The following TG variants were observed in gnomAD, a reference collection of about 807,000 sequenced individuals.
TG encodes the protein thyroid hormones.
In TG, 270 loss-of-function variants were observed where a neutral mutation model predicts 324.7. The observed-to-expected ratio is 0.83, with a 90% CI of 0.75 to 0.92. TG has a LOEUF of 0.92. Among genes scored for constraint, TG ranks in the 40% least tolerant of loss-of-function variants. The pLI is 0.00. For synonymous variants in TG, 1,401 were observed against 1,327.0 expected (o/e 1.06, Z -1.21); for missense variants, 3,591 against 3,456.4 (o/e 1.04, Z -0.98).
chr8:132,997,900 T>C (rs1228560238), intron 35 of TG, among the ~76,000 whole-genome samples: 1 of 152,136 alleles, frequency 6.6e-6, no homozygotes, highest in Non-Finnish European at 1.5e-5. Context: ...TTTAGGGAAA[T>C]GGGTCACCTG....
At position 132,886,497 on chromosome 8, in the gene TG, C is replaced by A. The variant is rs1475605709; in HGVS notation, c.1125C>A (p.Leu375=). The part of the protein sequence containing the change: ...ASERQQALSR[L]YFGTSGYFSQ... ...AAAGGCAGCAGGCCTTGTCCAGACT[C>A]TACTTTGGGACCTCAGGCTACTTCA... The change falls in exon 9 of 48, where the codon CTC becomes CTA. Residue 375 remains leucine (L), a synonymous_variant. Coordinates refer to ENST00000220616, the MANE Select transcript of TG (RefSeq NM_003235.5). 4 of 1,614,188 alleles carry A rather than the reference C, an allele frequency of 2.5e-6. No homozygotes were observed. The highest frequency in any genetic ancestry group is 3.4e-6 in the Non-Finnish European group (4 of 1,180,046).
At chr8:132,869,869 G>A in intron 3 of TG, 43 bp downstream of exon 3, 1 of 1,573,768 alleles carries the variant, frequency 6.4e-7, no homozygotes, top group Non-Finnish European at 8.7e-7. Context: ...ACCCTGCTAG[G>A]ACAACTCACT....
intron 41 of TG, among the ~76,000 whole-genome samples, chr8:133,052,366 G>A (rs1479560075): frequency 6.6e-6 from 1 of 152,206 alleles, no homozygotes; most frequent in African/African-American, 2.4e-5. Context: ...CCATGTAAAA[G>A]CAAGAGTTTC....
chr8:133,113,441 G>A lies in TG; in HGVS notation c.7592G>A (p.Gly2531Asp), dbSNP rs761057592. ...KAVKQFEESR[G>D]RTSSKTAFYQ... The stretch of plus-strand genomic sequence containing the variant: ...TTCTAGCAATTTGAGGAAAGTCGAG[G>A]CCGGACCAGTAGCAAAACAGCCTTT... Residue 2531 changes from glycine to aspartate, a missense_variant, in exon 44 of 48, where the codon GGC (glycine) becomes GAC (aspartate). Coordinates refer to ENST00000220616, the MANE Select transcript of TG (RefSeq NM_003235.5). 1.2e-6 allele frequency: 2 copies of A among 1,613,940 alleles called. No homozygotes were observed. The highest frequency in any genetic ancestry group is 3.3e-4 in the Middle Eastern group (2 of 6,062).
chr8:132,981,276 G>C (rs1184726145), intron 34 of TG, among the ~76,000 whole-genome samples: 3 of 152,226 alleles, frequency 2.0e-5, no homozygotes, highest in Non-Finnish European at 4.4e-5. Context: ...CATTCTCATA[G>C]TGTTCAGCAT....
chr8:133,028,152 TCTC>T (rs758700499), intron 40 of TG, among the ~76,000 whole-genome samples: 3 of 152,214 alleles, frequency 2.0e-5, no homozygotes, highest in Non-Finnish European at 4.4e-5. Context: ...GAACATTTCC[TCTC>T]CTCCTTGTCC....
At chr8:133,101,014 C>T (rs1014496141) in intron 43 of TG, among the ~76,000 whole-genome samples, 6 of 152,064 alleles carry the variant, frequency 3.9e-5, no homozygotes, top group African/African-American at 1.5e-4. Flanking sequence ...GTCTCTAGGT[C>T]AGCTAACTAG....
chr8:132,985,399 A>G (rs1916274), intron 35 of TG, among the ~76,000 whole-genome samples: 88,139 of 151,962 alleles, frequency 0.58, 26,837 homozygotes, highest in African/African-American at 0.73. Flanking sequence ...AGTTACCCAT[A>G]GAATCCCACT....
At chr8:132,975,144 A>G (rs1185118780) in intron 34 of TG, among the ~76,000 whole-genome samples, 3 of 152,202 alleles carry the variant, frequency 2.0e-5, no homozygotes, top group African/African-American at 7.2e-5. Context: ...TTGACCCCAA[A>G]GGAGACCCAG....
intron 8 of TG, 32 bp from the exon 9 acceptor site, chr8:132,886,416 C>G (rs777248154): frequency 1.2e-6 from 2 of 1,613,944 alleles, no homozygotes; most frequent in Non-Finnish European, 1.7e-6. Flanking sequence ...GACATTAAAA[C>G]CTTTTCTCCC....
intron 45 of TG, among the ~76,000 whole-genome samples, chr8:133,120,159 C>T (rs1035136085): frequency 6.6e-6 from 1 of 152,180 alleles, no homozygotes; most frequent in African/African-American, 2.4e-5. Flanking sequence ...TTCTGCCTTC[C>T]TCACATGTAA....
At chr8:132,963,850 G>C (rs576748132) in intron 29 of TG, among the ~76,000 whole-genome samples, 106 of 152,238 alleles carry the variant, frequency 7.0e-4, no homozygotes, top group African/African-American at 2.4e-3. Flanking sequence ...ATGCTACAGA[G>C]CAGATACTAG....
rs772388199 is a variant in TG at position 132,898,200 on chromosome 8, G to C, written c.3171G>C (p.Gly1057=). 7.4e-5 allele frequency: 118 copies of C among 1,605,322 alleles called. No individual in the cohort carries two copies. The highest frequency in any genetic ancestry group is 9.6e-5 in the Non-Finnish European group (113 of 1,176,218). The part of the protein sequence containing the change: ...GHCWCVDEKG[G]FIPGSLTARS... ...GCTGGTGTGTAGATGAGAAAGGAGGGTTCATCCCTGGCTCACTGACTGCCC... is the reference window on the plus strand; with the variant it reads ...GCTGGTGTGTAGATGAGAAAGGAGGCTTCATCCCTGGCTCACTGACTGCCC... Residue 1057 remains glycine, a synonymous_variant, in exon 13 of 48, where the codon GGG becomes GGC. Transcript: ENST00000220616.
At chr8:133,022,770 A>G (rs1231118432) in intron 40 of TG, among the ~76,000 whole-genome samples, 1 of 152,142 alleles carries the variant, frequency 6.6e-6, no homozygotes, top group East Asian at 1.9e-4. Flanking sequence ...CTTTTCCTCC[A>G]GCTACCACAT....
chr8:133,013,068 A>C (rs765048463), intron 36 of TG, among the ~76,000 whole-genome samples: 1 of 152,224 alleles, frequency 6.6e-6, no homozygotes, highest in Non-Finnish European at 1.5e-5. Context: ...CCTTAAGTGC[A>C]TGGGGAGCCA....
intron 40 of TG, 21 bp from the exon 41 acceptor site, chr8:133,029,800 A>T (rs1216456825): frequency 6.2e-7 from 1 of 1,613,976 alleles, no homozygotes; most frequent in East Asian, 2.2e-5. Flanking sequence ...AAAGGATAAA[A>T]GGCTTTCCTC....
At chr8:133,026,193 T>G (rs1401735298) in intron 40 of TG, among the ~76,000 whole-genome samples, 1 of 152,176 alleles carries the variant, frequency 6.6e-6, no homozygotes, top group Admixed American at 6.5e-5. Context: ...CTCGTGAGCA[T>G]CATCTCATTT....
At chr8:133,005,574 G>A (rs1205436367) in intron 35 of TG, among the ~76,000 whole-genome samples, 2 of 152,186 alleles carry the variant, frequency 1.3e-5, no homozygotes, top group Admixed American at 6.5e-5. Flanking sequence ...AACCCTAGGA[G>A]AGACAGTCAT....
chr8:132,897,489 T>G (rs1362651987), intron 11 of TG, among the ~76,000 whole-genome samples, 160 bp from the exon 12 acceptor site: 1 of 152,230 alleles, frequency 6.6e-6, no homozygotes, highest in African/African-American at 2.4e-5. Flanking sequence ...CTGCCTACTG[T>G]GCAAGGAGCC....
Sources: gnomAD v4.1 joint callset for allele counts (sites outside exome capture counted in the v4.1 genomes callset) on GRCh38, gnomAD v4.1.1 for gene constraint, MANE v1.5 for transcripts, NCBI Gene and HGNC (gene_info 2026-07-23, HGNC 2026-07-21) for gene names.